CWC25: variants seen among roughly 807,000 people sequenced by gnomAD.
CWC25 encodes pre-mRNA-splicing factor CWC25 homolog.
A neutral mutation model predicts 54.6 loss-of-function variants in CWC25; 31 were observed. The ratio of observed to expected loss-of-function variants is 0.57; its 90% CI spans 0.43 to 0.77. The LOEUF (loss-of-function observed/expected upper bound fraction) is 0.77. Among genes scored for constraint, CWC25 ranks in the 30% least tolerant of loss-of-function variants. CWC25 has a pLI of 0.00. For synonymous variants in CWC25, 151 were observed against 187.0 expected (o/e 0.81, Z 1.57); for missense variants, 453 against 529.3 (o/e 0.86, Z 1.41).
intron 2 of CWC25, among the ~76,000 whole-genome samples, chr17:38,815,299 T>G (rs1911652594): frequency 6.6e-6 from 1 of 152,182 alleles, no homozygotes; most frequent in Admixed American, 6.6e-5. Context: ...CTCATGCCTG[T>G]AATCCCACCA....
In CWC25 at chr17:38,808,107, G is replaced by A. The variant is rs1369905292; in HGVS notation, c.691-1131C>T. Among the ~76,000 whole-genome samples, 3 of 137,192 alleles carry A rather than the reference G, an allele frequency of 2.2e-5. 1 individual carries two copies. The highest frequency in any genetic ancestry group is 4.8e-5 in the Non-Finnish European group (3 of 62,692). 90.0% of individuals were successfully genotyped at this position (137,192 alleles called of 152,430 possible). ...AGAAAAGAATATACCTGGCTTGGCT[G>A]GGTGCAGTGGCTCACGCCTGTAATC... On this transcript the variant is annotated intron_variant, in intron 6 of 9. Coordinates refer to ENST00000614790, the MANE Select transcript of CWC25 (RefSeq NM_017748.5).
At chr17:38,819,203 T>TC (rs1911824450) in intron 2 of CWC25, among the ~76,000 whole-genome samples, 1 of 148,376 alleles carries the variant, frequency 6.7e-6, no homozygotes, top group South Asian at 2.1e-4. Context: ...TTCCTTTCTT[T>TC]CTTTTTTTTT....
intron 3 of CWC25, 25 bp from the exon 4 acceptor site, chr17:38,812,889 C>G (rs774434509): frequency 1.5e-6 from 2 of 1,296,000 alleles, no homozygotes; most frequent in Non-Finnish European, 1.1e-6. Flanking sequence ...TTACAAAATT[C>G]ATGACTATTT....
intron 7 of CWC25, 21 bp downstream of exon 7, chr17:38,806,744 C>A: frequency 6.5e-7 from 1 of 1,537,800 alleles, no homozygotes; most frequent in Non-Finnish European, 8.7e-7. Flanking sequence ...CAGGTTATTT[C>A]CCAGTGAATC....
intron 4 of CWC25, among the ~76,000 whole-genome samples, chr17:38,810,914 G>A (rs1422229450): frequency 1.0e-5 from 1 of 96,062 alleles, no homozygotes; most frequent in African/African-American, 4.5e-5. Flanking sequence ...GAGTGAAACT[G>A]TGTCTCAAAA....
rs1415231756 is a variant in CWC25, at chr17:38,802,841, A to G, written c.1022T>C (p.Leu341Ser). 1.2e-6 allele frequency: 2 copies of G among 1,613,774 alleles called. No individual in the cohort carries two copies. The highest frequency in any genetic ancestry group is 8.5e-7 in the Non-Finnish European group (1 of 1,179,862). Reference sequence around the variant, plus strand: ...CATCATCTCTTGCCGTTTTCGCTCTAATTCCTCTGCAGAGAGTTTTCTGTT... The same window carrying G: ...CATCATCTCTTGCCGTTTTCGCTCTGATTCCTCTGCAGAGAGTTTTCTGTT... ...GYTRKLSAEE[L>S]ERKRQEMMEN... Residue 341 changes from leucine (L) to serine (S), a missense_variant, in exon 9 of 10, where the codon TTA (leucine) becomes TCA (serine). By Grantham distance (145) the Leu-to-Ser change is moderately radical. Coordinates refer to ENST00000614790, the MANE Select transcript of CWC25 (RefSeq NM_017748.5).
chr17:38,809,426 C>CAAAA (rs763244461), intron 6 of CWC25, among the ~76,000 whole-genome samples: 1 of 129,896 alleles, frequency 7.7e-6, no homozygotes, highest in Non-Finnish European at 1.6e-5. Context: ...GACTCCGTCT[C>CAAAA]AAAAAAAAAA....
At chr17:38,816,833 T>C (rs912081834) in intron 2 of CWC25, among the ~76,000 whole-genome samples, 1 of 151,810 alleles carries the variant, frequency 6.6e-6, no homozygotes, top group Non-Finnish European at 1.5e-5. Context: ...TATAGGCATG[T>C]GTCACCAAGA....
chr17:38,821,151 C>T (rs1381430374), intron 1 of CWC25, 78 bp from the exon 2 acceptor site: 1 of 1,423,598 alleles, frequency 7.0e-7, no homozygotes, highest in African/African-American at 1.4e-5. Context: ...GCCTCACCCA[C>T]CCTTCCATAC....
intron 1 of CWC25, among the ~76,000 whole-genome samples, chr17:38,824,461 C>A (rs1167707899): frequency 1.3e-5 from 2 of 151,850 alleles, no homozygotes; most frequent in Admixed American, 1.3e-4. Flanking sequence ...CCGAGGCGGG[C>A]GGATCACTTG....
At chr17:38,820,139 T>G (rs1911864347) in intron 2 of CWC25, among the ~76,000 whole-genome samples, 1 of 152,106 alleles carries the variant, frequency 6.6e-6, no homozygotes. Flanking sequence ...CTCACTACAT[T>G]ACCCAGACTG....
intron 8 of CWC25, 124 bp from the exon 9 acceptor site, chr17:38,802,985 G>T: frequency 9.2e-7 from 1 of 1,087,316 alleles, no homozygotes; most frequent in Non-Finnish European, 1.3e-6. Flanking sequence ...CAAGTGCAAG[G>T]CCAGCCTGAG....
rs1052976830 is a variant in CWC25 at position 38,806,914 on chromosome 17, C to T, written c.753G>A (p.Gly251=). ...QGPLTAEQKR[G]HGMKNHSRSR... is the part of the protein sequence containing the mutation. The stretch of plus-strand genomic sequence containing the variant: ...ATCTGGAATGGTTCTTCATCCCATG[C>T]CCTCTCTTTTGCTCTGCTGTCAGAG... The change falls in exon 7 of 10, where the codon GGG becomes GGA. Residue 251 remains glycine (G), a synonymous_variant. Transcript: ENST00000614790. 3 of 1,613,834 alleles carry T rather than the reference C, an allele frequency of 1.9e-6. No homozygotes were observed. The highest frequency in any genetic ancestry group is 2.5e-6 in the Non-Finnish European group (3 of 1,179,888).
intron 1 of CWC25, among the ~76,000 whole-genome samples, chr17:38,821,499 C>T (rs1231851674): frequency 3.3e-5 from 5 of 152,144 alleles, no homozygotes; most frequent in Non-Finnish European, 7.3e-5. Context: ...GCGGAGGTTG[C>T]GGTGAGCCGA....
At chr17:38,821,601 G>A (rs2075062) in intron 1 of CWC25, among the ~76,000 whole-genome samples, 10,223 of 152,044 alleles carry the variant, frequency 0.067, 735 homozygotes, top group East Asian at 0.38. Context: ...GGATAGAACG[G>A]GTCCTTCCTG....
At position 38,815,096 on chromosome 17, in the gene CWC25, T is replaced by C. The variant is rs1567673813; in HGVS notation, c.193A>G (p.Lys65Glu). 1.9e-6 allele frequency: 3 copies of C among 1,611,802 alleles called. No individual in the cohort carries two copies. Among genetic ancestry groups the C allele is most frequent in the Non-Finnish European group, 2.5e-6 (3 of 1,178,806 alleles). ...RYAEDVGAVK[K>E]KEEKLDWMYQ... Reference sequence around the variant, plus strand: ...ATCCAGTCCAACTTTTCTTCTTTTTTCCTGGTTCAAGGGAAGAAAAAGAAA... The same window carrying C: ...ATCCAGTCCAACTTTTCTTCTTTTTCCCTGGTTCAAGGGAAGAAAAAGAAA... Residue 65 changes from lysine (K) to glutamate (E), a missense_variant and splice_region_variant, in exon 3 of 10, where the codon AAA becomes GAA. Coordinates refer to ENST00000614790, the MANE Select transcript of CWC25 (RefSeq NM_017748.5).
At chr17:38,808,941 C>A in intron 6 of CWC25, among the ~76,000 whole-genome samples, 1 of 117,562 alleles carries the variant, frequency 8.5e-6, no homozygotes, top group South Asian at 2.5e-4. Context: ...AGCAAAACTC[C>A]ACCTCAAAAA....
At chr17:38,814,745 CAAAAAAA>C (rs71138658) in intron 3 of CWC25, 109 bp downstream of exon 3, 53 of 465,792 alleles carry the variant, frequency 1.1e-4, no homozygotes, top group Admixed American at 5.4e-4. Flanking sequence ...GACTCCGTCT[CAAAAAAA>C]AAAAAAAAAA....
intron 5 of CWC25, 35 bp from the exon 6 acceptor site, chr17:38,809,800 G>A (rs1384511542): frequency 6.3e-7 from 1 of 1,579,490 alleles, no homozygotes; most frequent in African/African-American, 1.3e-5. Flanking sequence ...CATTGAAAAA[G>A]AAAATATATA....
Sources: allele counts gnomAD v4.1 joint callset (sites outside exome capture counted in the v4.1 genomes callset), GRCh38; gene constraint gnomAD v4.1.1; transcripts MANE v1.5; gene names NCBI Gene and HGNC (gene_info 2026-07-23, HGNC 2026-07-21).